The following ATE1 variants were observed in gnomAD, a reference collection of about 807,000 sequenced individuals.
The protein encoded by ATE1 is arginyltransferase 1.
In ATE1, 36 loss-of-function variants were observed where a neutral mutation model predicts 70.5. That is an observed-to-expected ratio of 0.51 (90% CI 0.39 to 0.67). The LOEUF is 0.67. ATE1 is among the 30% of genes least tolerant of loss of function. The pLI is 0.00. For synonymous variants in ATE1, 232 were observed against 219.3 expected, an observed-to-expected ratio of 1.06 and a Z score of -0.51; for missense variants, 593 against 629.5, an observed-to-expected ratio of 0.94 and a Z score of 0.62.
At chr10:121,760,064 AT>A (rs1197413280) in intron 11 of ATE1, among the ~76,000 whole-genome samples, 1 of 152,222 alleles carries the variant, frequency 6.6e-6, no homozygotes, top group African/African-American at 2.4e-5. Context: ...TTTACTGAAT[AT>A]TTTAAGCCCA....
intron 7 of ATE1, among the ~76,000 whole-genome samples, chr10:121,885,535 A>C: frequency 7.7e-6 from 1 of 129,220 alleles, no homozygotes; most frequent in African/African-American, 3.0e-5. Context: ...GCGCCATTGC[A>C]CTCCAGCCTG....
intron 8 of ATE1, among the ~76,000 whole-genome samples, chr10:121,860,617 T>G (rs1215974193): frequency 6.6e-6 from 1 of 152,238 alleles, no homozygotes; most frequent in Non-Finnish European, 1.5e-5. Context: ...ACAGTAAATG[T>G]TTTTAATAAG....
chr10:121,763,162 T>C (rs551096257), intron 11 of ATE1, among the ~76,000 whole-genome samples: 6 of 152,202 alleles, frequency 3.9e-5, no homozygotes, highest in Non-Finnish European at 8.8e-5. Flanking sequence ...TGGTTTATGA[T>C]AGCAAAATTG....
intron 10 of ATE1, among the ~76,000 whole-genome samples, chr10:121,832,753 G>A (rs1165370498): frequency 1.3e-5 from 2 of 152,288 alleles, no homozygotes; most frequent in East Asian, 3.9e-4. Flanking sequence ...TTTATCAGCA[G>A]CGTGAAAACG....
chr10:121,851,090 C>CAAAAAAAAAAAAAAA (rs10603053), intron 8 of ATE1, among the ~76,000 whole-genome samples: 4 of 43,210 alleles, frequency 9.3e-5, no homozygotes, highest in African/African-American at 2.0e-4. Flanking sequence ...GACTCCATCT[C>CAAAAAAAAAAAAAAA]AAAAAAAAAA....
At chr10:121,924,830 A>G (rs1952024178) in intron 1 of ATE1, among the ~76,000 whole-genome samples, 1 of 148,834 alleles carries the variant, frequency 6.7e-6, no homozygotes, top group African/African-American at 2.5e-5. Context: ...GAATGACACT[A>G]TATATATTTT....
At chr10:121,749,085 C>T (rs1394121859) in intron 11 of ATE1, among the ~76,000 whole-genome samples, 3 of 152,156 alleles carry the variant, frequency 2.0e-5, no homozygotes, top group Admixed American at 6.5e-5. Flanking sequence ...ATAAAAATGG[C>T]ACAGAAACAT....
At chr10:121,892,183 A>C (rs1297633845) in intron 7 of ATE1, among the ~76,000 whole-genome samples, 2 of 151,964 alleles carry the variant, frequency 1.3e-5, no homozygotes, top group African/African-American at 4.8e-5. Flanking sequence ...TGCACTCTCT[A>C]TCTGTAGGCC....
chr10:121,756,985 T>C (rs1292984867), intron 11 of ATE1, among the ~76,000 whole-genome samples: 3 of 152,232 alleles, frequency 2.0e-5, no homozygotes, highest in South Asian at 2.1e-4. Flanking sequence ...TCTATTGTAT[T>C]GTCAGGCTGC....
intron 11 of ATE1, among the ~76,000 whole-genome samples, chr10:121,747,020 C>T (rs1220319338): frequency 2.0e-5 from 3 of 152,172 alleles, no homozygotes; most frequent in African/African-American, 7.2e-5. Flanking sequence ...GCAGGAGATA[C>T]AAGCTAATTA....
chr10:121,799,264 C>G (rs938585593), intron 10 of ATE1, among the ~76,000 whole-genome samples: 1 of 152,028 alleles, frequency 6.6e-6, no homozygotes, highest in East Asian at 1.9e-4. Context: ...TACAGAAGCA[C>G]GAAGGAGCTG....
chr10:121,928,208 A>T (rs929477722), upstream of ATE1: 1 of 1,326,930 alleles, frequency 7.5e-7, no homozygotes, highest in Non-Finnish European at 9.7e-7. Flanking sequence ...GCGGAGAGAC[A>T]GAGCGGGAAG....
chr10:121,911,451 A>AAC (rs1185711706), intron 4 of ATE1, among the ~76,000 whole-genome samples: 1 of 150,706 alleles, frequency 6.6e-6, no homozygotes, highest in African/African-American at 2.4e-5. Context: ...TTAAAAAAAA[A>AAC]AAAAAAAAAC....
At chr10:121,908,647 C>T (rs1321989236) in intron 5 of ATE1, among the ~76,000 whole-genome samples, 2 of 152,136 alleles carry the variant, frequency 1.3e-5, no homozygotes, top group East Asian at 1.9e-4. Flanking sequence ...AAGCATGGAA[C>T]ATCCATGACT....
At chr10:121,909,128 A>G (rs1364226379) in intron 5 of ATE1, among the ~76,000 whole-genome samples, 3 of 152,132 alleles carry the variant, frequency 2.0e-5, no homozygotes, top group African/African-American at 7.2e-5. Context: ...AGCTGGGACT[A>G]CAGGCATGCA....
rs747518564 is a variant in ATE1, at chr10:121,743,670, G to T, written c.*10C>A. 8.1e-6 allele frequency: 13 copies of T among 1,598,934 alleles called. No individual in the cohort carries two copies. In the East Asian group the frequency reaches 2.7e-4, roughly 33 times the overall value. ...CACAACACAGGAACTTCCCGGCAGAGGTGAACAGGTCAGTTTCTGAACAGC... is the reference window on the plus strand; with the variant it reads ...CACAACACAGGAACTTCCCGGCAGATGTGAACAGGTCAGTTTCTGAACAGC... On this transcript the variant is annotated 3_prime_UTR_variant, in exon 12 of 12. Coordinates refer to ENST00000224652, the MANE Select transcript of ATE1 (RefSeq NM_001001976.3).
chr10:121,787,125 T>G (rs946386808), intron 11 of ATE1, among the ~76,000 whole-genome samples: 3 of 152,220 alleles, frequency 2.0e-5, no homozygotes, highest in African/African-American at 7.2e-5. Context: ...GTGATTTTCC[T>G]TAACACTGGC....
At chr10:121,920,472 G>A (rs1315348963) in intron 3 of ATE1, among the ~76,000 whole-genome samples, 2 of 151,716 alleles carry the variant, frequency 1.3e-5, no homozygotes, top group African/African-American at 4.8e-5. Context: ...GCAGGCTGCA[G>A]TGAGCCATGG....
chr10:121,907,421 C>A (rs559575397), intron 5 of ATE1, among the ~76,000 whole-genome samples: 1 of 151,498 alleles, frequency 6.6e-6, no homozygotes, highest in Non-Finnish European at 1.5e-5. Context: ...GCTGAGATAG[C>A]GCCATTGCAC....
Sources: allele counts gnomAD v4.1 joint callset (sites outside exome capture counted in the v4.1 genomes callset), GRCh38; gene constraint gnomAD v4.1.1; transcripts MANE v1.5; gene names NCBI Gene and HGNC (gene_info 2026-07-23, HGNC 2026-07-21).